The following ACSL1 variants were observed in gnomAD, a reference collection of about 807,000 sequenced individuals.
ACSL1 encodes the protein acyl-CoA synthetase long chain family member 1.
ACSL1 carries 41 observed loss-of-function variants against 98.4 expected under a neutral mutation model. The ratio of observed to expected loss-of-function variants is 0.42; its 90% CI spans 0.32 to 0.54. The LOEUF is 0.54. ACSL1 is among the 20% of genes least tolerant of loss of function. ACSL1 has a pLI of 0.13. For synonymous variants in ACSL1, 316 were observed against 322.7 expected (o/e 0.98, Z 0.22); for missense variants, 734 against 883.1 (o/e 0.83, Z 2.14).
At chr4:184,768,806 A>C (rs1329096266) in intron 11 of ACSL1, among the ~76,000 whole-genome samples, 1 of 152,120 alleles carries the variant, frequency 6.6e-6, no homozygotes, top group Non-Finnish European at 1.5e-5. Context: ...GCGGTGGCTT[A>C]CACCTATAAT....
At chr4:184,772,367 A>G (rs941300539) in intron 10 of ACSL1, among the ~76,000 whole-genome samples, 1 of 152,252 alleles carries the variant, frequency 6.6e-6, no homozygotes, top group Admixed American at 6.5e-5. Flanking sequence ...TCAGAGCTAC[A>G]GAATACTTCC....
chr4:184,787,063 C>T (rs1432414038), intron 3 of ACSL1, among the ~76,000 whole-genome samples: 1 of 152,158 alleles, frequency 6.6e-6, no homozygotes, highest in Non-Finnish European at 1.5e-5. Flanking sequence ...CCACATGGTT[C>T]CTGACCGTAA....
chr4:184,756,575 A>ATTCG lies in ACSL1; in HGVS notation c.*549_*550insCGAA, dbSNP rs1474394015. On this transcript the variant is annotated 3_prime_UTR_variant, in exon 21 of 21. Coordinates refer to ENST00000281455, the MANE Select transcript of ACSL1 (RefSeq NM_001995.5). ...GAACATGAGTTTCGTAACCCTTACGAATCAGAAGGGTTCTGTGAATGCCTG... is the reference window on the plus strand; with the variant it reads ...GAACATGAGTTTCGTAACCCTTACGATTCGATCAGAAGGGTTCTGTGAATGCCTG... 6.5e-6 allele frequency: 1 copy of ATTCG among 152,736 alleles called. No homozygotes were observed. Among genetic ancestry groups the ATTCG allele is most frequent in the Admixed American group, 6.5e-5 (1 of 15,290 alleles). 9.5% of individuals were successfully genotyped at this position (152,736 alleles called of 1,614,324 possible). A position where few individuals can be genotyped will look rare whatever the true frequency, so the allele number is the denominator to read the frequency against.
chr4:184,757,652 G>A lies in ACSL1; in HGVS notation c.1939C>T (p.Leu647=), dbSNP rs778348618. 1 of 1,614,018 alleles carries A rather than the reference G, an allele frequency of 6.2e-7. No individual in the cohort carries two copies. Among genetic ancestry groups the A allele is most frequent in the South Asian group, 1.1e-5 (1 of 91,042 alleles). Residue 647 remains leucine (L), a synonymous_variant, in exon 20 of 21, where the codon CTG becomes TTG. Coordinates refer to ENST00000281455, the MANE Select transcript of ACSL1 (RefSeq NM_001995.5). The surrounding 1 kb of genome is among the most constrained non-coding windows in gnomAD (Gnocchi z 4.5). The part of the protein sequence containing the change: ...DMVRLGKDSG[L]KPFEQVKGIT... ...GGTCATACCTGTTCAAATGGTTTCA[G>A]ACCAGAATCCTTCCCAAGTCTCACC...
intron 1 of ACSL1, among the ~76,000 whole-genome samples, chr4:184,823,739 T>A (rs151053605): frequency 2.6e-5 from 4 of 152,356 alleles, no homozygotes; most frequent in African/African-American, 9.6e-5. Flanking sequence ...TCATTTTACA[T>A]CAAATGCTAA....
In ACSL1 at chr4:184,825,445, G is replaced by C. The variant is rs1773398072; in HGVS notation, c.-33+471C>G. Among the ~76,000 whole-genome samples the C allele has an allele frequency of 6.6e-6, 1 of 152,020 alleles. No homozygotes were observed. Among genetic ancestry groups the C allele is most frequent in the Admixed American group, 6.5e-5 (1 of 15,278 alleles). On this transcript the variant is annotated intron_variant, in intron 1 of 20. Transcript: ENST00000281455. The surrounding 1 kb of genome is among the most constrained non-coding windows in gnomAD (Gnocchi z 4.7). ...GTGGGGCCGGCATCTCAGCGGGCGC[G>C]AGTGCAGTCTCGCCCCACGCGCGGT...
In ACSL1 at chr4:184,765,929, T is replaced by A. The variant is rs1763525248; in HGVS notation, c.1321A>T (p.Thr441Ser). 6.2e-7 allele frequency: 1 copy of A among 1,613,930 alleles called. No homozygotes were observed. The part of the protein sequence containing the change: ...MVTGAAPVSA[T>S]VLTFLRAALG... ...GCTGCTCTGAGGAACGTCAGCACAG[T>A]GGCAGACACCGGGGCGGCTCCTGTC... is the stretch of plus-strand genomic sequence containing the variant. The change falls in exon 14 of 21, where the codon ACT (threonine) becomes TCT (serine). Residue 441 changes from threonine to serine, a missense_variant. Transcript: ENST00000281455.
intron 1 of ACSL1, among the ~76,000 whole-genome samples, chr4:184,823,468 A>G (rs1773224164): frequency 6.6e-6 from 1 of 152,228 alleles, no homozygotes; most frequent in Admixed American, 6.5e-5. Flanking sequence ...ACATTCCTCT[A>G]AGGTTACTGA....
intron 1 of ACSL1, among the ~76,000 whole-genome samples, chr4:184,809,362 C>A (rs969176991): frequency 3.7e-4 from 56 of 152,162 alleles, no homozygotes; most frequent in African/African-American, 1.4e-3. Flanking sequence ...ATCTCAAACA[C>A]AATATGTCGA....
intron 1 of ACSL1, among the ~76,000 whole-genome samples, chr4:184,810,007 A>G (rs1003915891): frequency 1.3e-5 from 2 of 152,214 alleles, no homozygotes; most frequent in African/African-American, 2.4e-5. Flanking sequence ...ATGTGCTACT[A>G]GTGAAAAAAT....
intron 2 of ACSL1, among the ~76,000 whole-genome samples, chr4:184,794,199 T>C (rs1768926662): frequency 4.0e-5 from 6 of 148,218 alleles, no homozygotes; most frequent in Admixed American, 4.0e-4. Flanking sequence ...TGCTTCTTTT[T>C]GTAAAGACAC....
Position 184,757,094 on chromosome 4 carries a change from GTGCCAT to G in ACSL1, c.*25_*30del. On this transcript the variant is annotated 3_prime_UTR_variant, in exon 21 of 21. Transcript: ENST00000281455. The surrounding 1 kb of genome is among the most constrained non-coding windows in gnomAD (Gnocchi z 4.5). ...CAGCAGGAGAAGAGATTGTGGAACT[GTGCCAT>G]TTCCTCTGAGCTTTCTTCTTCACAC... 3 of 1,545,546 alleles carry G rather than the reference GTGCCAT, an allele frequency of 1.9e-6. No homozygotes were observed. Among genetic ancestry groups the G allele is most frequent in the Non-Finnish European group, 2.6e-6 (3 of 1,133,476 alleles).
intron 15 of ACSL1, 100 bp from the exon 16 acceptor site, chr4:184,763,355 G>T: frequency 2.7e-6 from 3 of 1,100,840 alleles, no homozygotes; most frequent in Non-Finnish European, 4.0e-6. Flanking sequence ...AAGAAAAACG[G>T]CTGGGATAAA....
chr4:184,772,732 T>C (rs1050036380), intron 10 of ACSL1, among the ~76,000 whole-genome samples: 2 of 152,224 alleles, frequency 1.3e-5, no homozygotes, highest in African/African-American at 4.8e-5. Context: ...ATAAATTATT[T>C]CCCAAATACA....
intron 2 of ACSL1, among the ~76,000 whole-genome samples, chr4:184,793,789 T>C (rs1377287083): frequency 1.3e-5 from 2 of 152,234 alleles, no homozygotes; most frequent in African/African-American, 4.8e-5. Context: ...AAGGAGCATG[T>C]AGAACCACAG....
chr4:184,809,010 C>G (rs998379269), intron 1 of ACSL1, among the ~76,000 whole-genome samples: 5 of 152,152 alleles, frequency 3.3e-5, no homozygotes, highest in African/African-American at 9.7e-5. Context: ...GTCAGTTATT[C>G]CCACCCACTG....
chr4:184,805,459 C>G (rs1243925310), intron 1 of ACSL1: 1 of 985,272 alleles, frequency 1.0e-6, no homozygotes. Context: ...AAAGAAAGAA[C>G]AGATAAGCAG....
chr4:184,814,143 T>A (rs1397283478), intron 1 of ACSL1, among the ~76,000 whole-genome samples: 2 of 151,716 alleles, frequency 1.3e-5, no homozygotes, highest in African/African-American at 4.8e-5. Flanking sequence ...ACAAAAAAAT[T>A]AGCCATGCAT....
chr4:184,777,993 T>C (rs1765581396), intron 5 of ACSL1, among the ~76,000 whole-genome samples: 1 of 151,766 alleles, frequency 6.6e-6, no homozygotes. Context: ...TGCCCTGGAA[T>C]AGGGGAAGAA....
Sources: gnomAD v4.1 joint callset for allele counts (sites outside exome capture counted in the v4.1 genomes callset) on GRCh38, gnomAD v4.1.1 for gene constraint, Gnocchi (gnomAD v3.1) non-coding constraint, MANE v1.5 for transcripts, NCBI Gene and HGNC (gene_info 2026-07-23, HGNC 2026-07-21) for gene names.